The following ARHGEF1 variants were observed in gnomAD, a reference collection of about 807,000 sequenced individuals.
ARHGEF1 encodes Rho guanine nucleotide exchange factor 1.
A neutral mutation model predicts 119.7 loss-of-function variants in ARHGEF1; 40 were observed. That is an observed-to-expected ratio of 0.33 (90% confidence interval 0.26 to 0.44). The LOEUF is 0.44. Among genes scored for constraint, ARHGEF1 ranks in the 20% least tolerant of loss-of-function variants. The pLI, the probability that ARHGEF1 is intolerant of heterozygous loss-of-function variation, is 1.00. For missense variants in ARHGEF1, 976 were observed against 1,268.3 expected, an observed-to-expected ratio of 0.77 and a Z score of 3.50; for synonymous variants, 494 against 521.0, an observed-to-expected ratio of 0.95 and a Z score of 0.71.
chr19:41,905,710 G>C lies in ARHGEF1; in HGVS notation c.2337-50G>C, dbSNP rs11881932. On this transcript the variant is annotated intron_variant, in intron 24 of 28. Transcript: ENST00000354532. The surrounding 1 kb of genome is among the most constrained non-coding windows in gnomAD (Gnocchi z 6.4). Reference sequence around the variant, plus strand: ...CAGCTCTCTGTCTCCCTGCCCCTGCGGCCCCCCAGGGCCAGGGGTGTGGGG... The same window carrying C: ...CAGCTCTCTGTCTCCCTGCCCCTGCCGCCCCCCAGGGCCAGGGGTGTGGGG... The C allele has an allele frequency of 1.3e-6, 2 of 1,597,592 alleles. No homozygotes were observed. The highest frequency in any genetic ancestry group is 1.7e-6 in the Non-Finnish European group (2 of 1,168,176).
chr19:41,912,505 C>T (rs2074758949), intron 18 of ARHGEF1, among the ~76,000 whole-genome samples: 1 of 152,238 alleles, frequency 6.6e-6, no homozygotes, highest in African/African-American at 2.4e-5. Flanking sequence ...CCCCTCCAGC[C>T]CAGTCCCTGC....
Position 41,926,351 on chromosome 19 carries a change from G to A in ARHGEF1, c.141-2480G>A, listed in dbSNP as rs116891613. Among the ~76,000 whole-genome samples the A allele has an allele frequency of 7.1e-4, 108 of 152,210 alleles. 1 individual carries two copies. In the East Asian group the frequency reaches 0.017, roughly 24 times the overall value. ...AACAGGTATGGAGGACAGGTGTTGC[G>A]TGCAGGCAGGTATGAGGAGATAGAT... On this transcript the variant is annotated intron_variant, in intron 1 of 2. Coordinates refer to the ARHGEF1 transcript ENST00000594417.
downstream of ARHGEF1, among the ~76,000 whole-genome samples, chr19:41,911,466 T>G (rs1555851241): frequency 6.6e-6 from 1 of 152,174 alleles, no homozygotes. Flanking sequence ...TACGGGCAGG[T>G]CCTTACCCTC....
At chr19:41,896,959 C>T (rs1555847863) in intron 13 of ARHGEF1, 4 of 380,628 alleles carry the variant, frequency 1.1e-5, no homozygotes, top group South Asian at 5.6e-5. Context: ...CTCACCTTCC[C>T]CCTCCTCTCT....
chr19:41,902,428 C>G lies in ARHGEF1; in HGVS notation c.1497+72C>G. ...TCAGGCCCGGGACGGGTCCTGAGCC[C>G]ACCCTACTCCAGTCCCAGGGTCTGG... On this transcript the variant is annotated intron_variant, in intron 16 of 28. Coordinates refer to ENST00000354532, the MANE Select transcript of ARHGEF1 (RefSeq NM_004706.4). The surrounding 1 kb of genome is among the most constrained non-coding windows in gnomAD (Gnocchi z 6.5). 1 of 1,611,022 alleles carries G rather than the reference C, an allele frequency of 6.2e-7. No individual in the cohort carries two copies. The highest frequency in any genetic ancestry group is 8.5e-7 in the Non-Finnish European group (1 of 1,178,386).
downstream of ARHGEF1, chr19:41,907,698 C>G (rs1404157800): frequency 9.2e-6 from 3 of 326,754 alleles, no homozygotes; most frequent in African/African-American, 2.2e-5. Flanking sequence ...CACTGGGCAC[C>G]CCGAGTCTCA....
intron 13 of ARHGEF1, chr19:41,897,993 G>A (rs782287875): frequency 3.4e-4 from 447 of 1,321,522 alleles, no homozygotes; most frequent in Non-Finnish European, 3.9e-4. Flanking sequence ...GTGAGTGACC[G>A]CCGCCGGCCT....
intron 13 of ARHGEF1, chr19:41,897,429 A>C (rs2074526061): frequency 1.1e-6 from 1 of 911,652 alleles, no homozygotes; most frequent in South Asian, 1.8e-5. Flanking sequence ...ACTCCCTGTG[A>C]GGGGTGGGTG....
intron 8 of ARHGEF1, among the ~76,000 whole-genome samples, chr19:41,893,920 A>T (rs1599640668): frequency 3.9e-5 from 1 of 25,520 alleles, no homozygotes; most frequent in African/African-American, 2.1e-4. Flanking sequence ...CCTGGGTCTG[A>T]GGGAGGAGGG....
chr19:41,892,814 G>C lies in ARHGEF1; in HGVS notation c.579G>C (p.Val193=), dbSNP rs782205744. The change falls in exon 7 of 29, where the codon GTG becomes GTC. Residue 193 remains valine (V), a synonymous_variant. Coordinates refer to ENST00000354532, the MANE Select transcript of ARHGEF1 (RefSeq NM_004706.4). The surrounding 1 kb of genome is among the most constrained non-coding windows in gnomAD (Gnocchi z 6.3). ...GCTACGAGGCCCGGGAGCGGCACGT[G>C]GCGGAGCGGCTGCTCATGCACCTGG... ...RASYEARERH[V]AERLLMHLEE... The C allele has an allele frequency of 2.1e-5, 34 of 1,582,614 alleles. No individual in the cohort carries two copies. Among genetic ancestry groups the C allele is most frequent in the Non-Finnish European group, 2.9e-5 (34 of 1,167,992 alleles).
upstream of ARHGEF1, among the ~76,000 whole-genome samples, chr19:41,919,089 C>T (rs1333963073): frequency 6.6e-6 from 1 of 151,722 alleles, no homozygotes; most frequent in East Asian, 1.9e-4. Flanking sequence ...TTACACCACA[C>T]CACATGCCAC....
chr19:41,907,323 C>T lies in ARHGEF1; in HGVS notation c.*236C>T. 12 of 1,534,528 alleles carry T rather than the reference C, an allele frequency of 7.8e-6. No individual in the cohort carries two copies. Among genetic ancestry groups the T allele is most frequent in the Non-Finnish European group, 1.0e-5 (12 of 1,146,240 alleles). ...ACTCAGGGCTCCATTCTGGAGGGCACCACGGTGACCCGGGCCATCTCAGTA... is the reference window on the plus strand; with the variant it reads ...ACTCAGGGCTCCATTCTGGAGGGCATCACGGTGACCCGGGCCATCTCAGTA... On this transcript the variant is annotated 3_prime_UTR_variant, in exon 29 of 29. Transcript: ENST00000354532.
rs782691132 is a variant in ARHGEF1, at chr19:41,892,777, G to A, written c.542G>A (p.Arg181Gln). ...GCCCAGCTGGAGGCTTGGGTTGGGC[G>A]GGACCGAGCCAGCTACGAGGCCCGG... is the stretch of plus-strand genomic sequence containing the variant. ...ELAQLEAWVG[R>Q]DRASYEARER... The change falls in exon 7 of 29, where the codon CGG becomes CAG. Residue 181 changes from arginine to glutamine, a missense_variant. This residue lies in a region of ARHGEF1 where 519 missense variants were observed against 580.9 expected (regional missense o/e 0.89). Transcript: ENST00000354532. The surrounding 1 kb of genome is among the most constrained non-coding windows in gnomAD (Gnocchi z 6.3). 9 of 1,603,342 alleles carry A rather than the reference G, an allele frequency of 5.6e-6. No individual in the cohort carries two copies. In the East Asian group the frequency reaches 6.7e-5, roughly 12 times the overall value.
At chr19:41,897,099 C>A (rs1166442470) in intron 13 of ARHGEF1, 1 of 361,426 alleles carries the variant, frequency 2.8e-6, no homozygotes, top group Non-Finnish European at 5.3e-6. Flanking sequence ...CCCTGCCCCC[C>A]ACCCCCCGCC....
At chr19:41,894,364 T>C in intron 9 of ARHGEF1, 58 bp downstream of exon 9, 1 of 1,515,518 alleles carries the variant, frequency 6.6e-7, no homozygotes, top group South Asian at 1.3e-5. Context: ...CCTGGGAGCC[T>C]CATGACTCTG....
At chr19:41,893,065 T>C in intron 7 of ARHGEF1, 1 of 1,019,896 alleles carries the variant, frequency 9.8e-7, no homozygotes, top group Non-Finnish European at 1.4e-6. Flanking sequence ...TTCTGGGTCT[T>C]GTCCATGATC....
Position 41,894,649 on chromosome 19 carries a change from G to A in ARHGEF1, c.865G>A (p.Ala289Thr). 6.2e-7 allele frequency: 1 copy of A among 1,614,080 alleles called. No individual in the cohort carries two copies. Among genetic ancestry groups the A allele is most frequent in the East Asian group, 2.2e-5 (1 of 44,892 alleles). The change falls in exon 11 of 29, where the codon GCA becomes ACA. Residue 289 changes from alanine (A) to threonine (T), a missense_variant. Ala to Thr is a moderately conservative substitution (Grantham distance 58). Transcript: ENST00000354532. ...AGTTCCAGATTTTCGACACCTCAAA[G>A]CAGAGGTTGATGGTAATGTACCTGT... ...PQVPDFRHLK[A>T]EVDAEKPGAT...
intron 14 of ARHGEF1, among the ~76,000 whole-genome samples, chr19:41,901,171 G>A (rs1216188649): frequency 6.6e-6 from 1 of 150,898 alleles, no homozygotes; most frequent in African/African-American, 2.4e-5. Context: ...GTTTTTTTGA[G>A]ACGGAGTCTC....
At position 41,917,438 on chromosome 19, in the gene ARHGEF1, C is replaced by G. The variant is rs1342673298; in HGVS notation, c.1866-5654C>G. On this transcript the variant is annotated intron_variant, in intron 18 of 20. Transcript: ENST00000599589. The surrounding 1 kb of genome is among the most constrained non-coding windows in gnomAD (Gnocchi z 4.8). The stretch of plus-strand genomic sequence containing the variant: ...CCGCCTCGGGAGCCGCCTCGGGCCT[C>G]GCACCCCCACCACCAGCCCCTTCAT... 2.0e-5 allele frequency among the ~76,000 whole-genome samples: 3 copies of G among 151,990 alleles called. No homozygotes were observed. The highest frequency in any genetic ancestry group is 4.4e-5 in the Non-Finnish European group (3 of 67,948).
Sources: allele counts gnomAD v4.1 joint callset (sites outside exome capture counted in the v4.1 genomes callset), GRCh38; gene constraint gnomAD v4.1.1; regional missense constraint gnomAD v4.1.1; non-coding constraint Gnocchi (gnomAD v3.1); transcripts MANE v1.5; gene names NCBI Gene and HGNC (gene_info 2026-07-23, HGNC 2026-07-21).